The following SOX5 variants were observed in gnomAD, a reference collection of about 807,000 sequenced individuals.
The protein encoded by SOX5 is SRY-box transcription factor 5, also known as transcription factor SOX-5.
A neutral mutation model predicts 92.0 loss-of-function variants in SOX5; 9 were observed. That is an observed-to-expected ratio of 0.10 (90% confidence interval 0.06 to 0.17). The LOEUF (loss-of-function observed/expected upper bound fraction) is 0.17, where lower values mean the gene tolerates loss of function less well. SOX5 is among the 10% of genes least tolerant of loss of function. The pLI, the probability that SOX5 is intolerant of heterozygous loss-of-function variation, is 1.00. For synonymous variants in SOX5, 344 were observed against 336.3 expected, an observed-to-expected ratio of 1.02 and a Z score of -0.25; for missense variants, 642 against 944.5, an observed-to-expected ratio of 0.68 and a Z score of 4.20.
intron 6 of SOX5, among the ~76,000 whole-genome samples, chr12:23,688,551 T>C (rs1020027493): frequency 3.3e-5 from 5 of 152,058 alleles, no homozygotes; most frequent in Admixed American, 6.6e-5. Flanking sequence ...CTAACCAGTA[T>C]CTGCAACTAG....
intron 1 of SOX5, among the ~76,000 whole-genome samples, chr12:23,903,976 A>G (rs746501352): frequency 1.3e-5 from 2 of 152,232 alleles, no homozygotes; most frequent in African/African-American, 4.8e-5. Flanking sequence ...GAATTACACA[A>G]ACTTAGCATA....
chr12:24,438,122 G>A (rs1939799932), intron 1 of SOX5, among the ~76,000 whole-genome samples: 1 of 152,202 alleles, frequency 6.6e-6, no homozygotes, highest in South Asian at 2.1e-4. Context: ...ATGAGATCAT[G>A]TCCTTTGCAG....
intron 6 of SOX5, among the ~76,000 whole-genome samples, chr12:23,680,183 A>G (rs994682417): frequency 1.3e-5 from 2 of 151,610 alleles, no homozygotes; most frequent in Non-Finnish European, 2.9e-5. Context: ...AAAATTAGCC[A>G]GGTGTGGTGG....
intron 4 of SOX5, among the ~76,000 whole-genome samples, chr12:24,026,667 A>T (rs59932020): frequency 0.2 from 19,838 of 98,690 alleles, 1,808 homozygotes; most frequent in Non-Finnish European, 0.28. Flanking sequence ...TCTATTAGAT[A>T]AAAAAAAAAA....
intron 4 of SOX5, among the ~76,000 whole-genome samples, chr12:24,189,865 T>C (rs544646700): frequency 1.1e-3 from 160 of 152,292 alleles, no homozygotes; most frequent in African/African-American, 3.8e-3. Flanking sequence ...TGAGACAAGT[T>C]CCAATATTGA....
intron 3 of SOX5, among the ~76,000 whole-genome samples, chr12:23,793,182 T>A (rs1343932739): frequency 6.6e-6 from 1 of 152,202 alleles, no homozygotes; most frequent in Non-Finnish European, 1.5e-5. Context: ...ATATTTTTCA[T>A]CACTGCAAGA....
intron 13 of SOX5, among the ~76,000 whole-genome samples, chr12:23,540,627 G>A (rs1362310461): frequency 6.6e-6 from 1 of 152,120 alleles, no homozygotes; most frequent in African/African-American, 2.4e-5. Flanking sequence ...CTAAACTACT[G>A]TATATCTAAT....
At chr12:23,752,826 A>T (rs2094223170) in intron 4 of SOX5, among the ~76,000 whole-genome samples, 1 of 151,862 alleles carries the variant, frequency 6.6e-6, no homozygotes, top group African/African-American at 2.4e-5. Flanking sequence ...GCATATATTG[A>T]CTGTTGTTGG....
intron 8 of SOX5, among the ~76,000 whole-genome samples, chr12:23,618,381 C>A (rs2076809859): frequency 6.6e-6 from 1 of 152,100 alleles, no homozygotes; most frequent in East Asian, 1.9e-4. Context: ...TGTGAAATCA[C>A]TGTTCAGTGT....
At chr12:24,041,370 C>G (rs554438468) in intron 4 of SOX5, among the ~76,000 whole-genome samples, 14 of 152,098 alleles carry the variant, frequency 9.2e-5, no homozygotes, top group Non-Finnish European at 1.6e-4. Context: ...TACTTACTAG[C>G]AATACCATAT....
In SOX5 at chr12:24,499,037, A is replaced by G. The variant is rs552041353; in HGVS notation, c.-251+63292T>C. ...AAAGAAGCCCACCCTAACTCACTCAATCTACATGGGCTCATGCTCTCCCTG... is the reference window on the plus strand; with the variant it reads ...AAAGAAGCCCACCCTAACTCACTCAGTCTACATGGGCTCATGCTCTCCCTG... On this transcript the variant is annotated intron_variant, in intron 1 of 4. Transcript: ENST00000446891. 5.3e-5 allele frequency among the ~76,000 whole-genome samples: 8 copies of G among 152,274 alleles called. No homozygotes were observed. The South Asian group carries it at 6.2e-4, about 12-fold the overall frequency.
intron 1 of SOX5, among the ~76,000 whole-genome samples, chr12:24,496,713 C>T (rs1271877513): frequency 1.3e-5 from 2 of 152,122 alleles, no homozygotes; most frequent in African/African-American, 2.4e-5. Context: ...TCGTTTATAC[C>T]GTGTTTTCCA....
chr12:24,099,914 A>G (rs1945885023), intron 4 of SOX5, among the ~76,000 whole-genome samples: 1 of 152,196 alleles, frequency 6.6e-6, no homozygotes, highest in African/African-American at 2.4e-5. Context: ...TTGTTTGGTC[A>G]GCTGTAAAAT....
intron 4 of SOX5, among the ~76,000 whole-genome samples, chr12:24,113,422 G>A (rs1445213802): frequency 6.6e-6 from 1 of 151,810 alleles, no homozygotes; most frequent in Non-Finnish European, 1.5e-5. Flanking sequence ...TTGCATTTCT[G>A]AAAAAAATTA....
chr12:24,050,893 G>A (rs1407806152), intron 4 of SOX5, among the ~76,000 whole-genome samples: 1 of 152,028 alleles, frequency 6.6e-6, no homozygotes, highest in African/African-American at 2.4e-5. Context: ...TAAATCCCTA[G>A]ATGTAAAATT....
intron 3 of SOX5, among the ~76,000 whole-genome samples, chr12:24,241,682 T>C (rs76689300): frequency 0.046 from 6,979 of 152,258 alleles, 488 homozygotes; most frequent in African/African-American, 0.15. Flanking sequence ...CAACAGAACA[T>C]TCAAGCTCAT....
intron 1 of SOX5, among the ~76,000 whole-genome samples, chr12:23,916,967 A>T (rs1410635982): frequency 6.6e-6 from 1 of 152,208 alleles, no homozygotes; most frequent in Admixed American, 6.5e-5. Context: ...CTCACTACAC[A>T]CATCTAAGAA....
At chr12:24,313,545 A>G (rs549830770) in intron 2 of SOX5, among the ~76,000 whole-genome samples, 1 of 152,142 alleles carries the variant, frequency 6.6e-6, no homozygotes, top group East Asian at 1.9e-4. Context: ...AATACAAAAA[A>G]AAGTTGCTGC....
chr12:23,828,364 C>T (rs2096265287), intron 3 of SOX5, among the ~76,000 whole-genome samples: 1 of 152,128 alleles, frequency 6.6e-6, no homozygotes, highest in Middle Eastern at 3.2e-3. Flanking sequence ...GTATAAAATT[C>T]AGATCTAATT....
Sources: allele counts gnomAD v4.1 joint callset (sites outside exome capture counted in the v4.1 genomes callset), GRCh38; gene constraint gnomAD v4.1.1; transcripts MANE v1.5; gene names NCBI Gene and HGNC (gene_info 2026-07-23, HGNC 2026-07-21).